DPP10: variants seen among roughly 807,000 people sequenced by gnomAD.
DPP10 encodes inactive dipeptidyl peptidase 10.
Under a neutral mutation model 120.9 loss-of-function variants are expected in DPP10, and 33 were observed. That is an observed-to-expected ratio of 0.27 (90% CI 0.21 to 0.37). The LOEUF is 0.37. Among genes scored for constraint, DPP10 ranks in the 10% least tolerant of loss-of-function variants. DPP10 has a pLI of 1.00. For missense variants in DPP10, 816 were observed against 942.8 expected (o/e 0.87, Z 1.76); for synonymous variants, 337 against 326.1 (o/e 1.03, Z -0.36).
intron 3 of DPP10, among the ~76,000 whole-genome samples, chr2:115,427,263 C>G (rs1056028444): frequency 3.3e-5 from 5 of 152,190 alleles, no homozygotes; most frequent in Admixed American, 2.6e-4. Flanking sequence ...GGCAATGTCC[C>G]AGCTGGGACT....
intron 1 of DPP10, among the ~76,000 whole-genome samples, chr2:115,193,397 G>A (rs1361937316): frequency 1.3e-5 from 2 of 152,120 alleles, no homozygotes; most frequent in Non-Finnish European, 2.9e-5. Context: ...CACCAGATTA[G>A]AAGTTAGGAT....
At chr2:115,543,845 A>AT (rs1268444320) in intron 5 of DPP10, among the ~76,000 whole-genome samples, 2 of 152,032 alleles carry the variant, frequency 1.3e-5, no homozygotes, top group Admixed American at 1.3e-4. Flanking sequence ...ACAAAGAACT[A>AT]TGAGATGAAA....
intron 1 of DPP10, among the ~76,000 whole-genome samples, chr2:114,580,229 C>T (rs192901974): frequency 6.6e-6 from 1 of 152,150 alleles, no homozygotes; most frequent in East Asian, 1.9e-4. Flanking sequence ...CCCAGGCATT[C>T]GGTCCTGATA....
At chr2:115,280,692 A>G (rs1321248998) in intron 1 of DPP10, among the ~76,000 whole-genome samples, 15 of 152,192 alleles carry the variant, frequency 9.9e-5, no homozygotes, top group Admixed American at 9.8e-4. Flanking sequence ...CAAGGTTTGA[A>G]AAACTCAATT....
chr2:114,528,271 T>C (rs969014044), intron 1 of DPP10, among the ~76,000 whole-genome samples: 2 of 152,150 alleles, frequency 1.3e-5, no homozygotes, highest in African/African-American at 4.8e-5. Context: ...CCAGGGACTA[T>C]CATAGTCAAT....
At chr2:115,709,761 A>C (rs2092257430) in intron 7 of DPP10, among the ~76,000 whole-genome samples, 1 of 151,982 alleles carries the variant, frequency 6.6e-6, no homozygotes, top group African/African-American at 2.4e-5. Flanking sequence ...AAACAAAACA[A>C]ACAAACAAAA....
intron 1 of DPP10, among the ~76,000 whole-genome samples, chr2:114,993,454 T>A (rs1194845310): frequency 6.6e-6 from 1 of 151,462 alleles, no homozygotes; most frequent in Non-Finnish European, 1.5e-5. Context: ...ACACACCTAT[T>A]TACAAAACCT....
intron 7 of DPP10, among the ~76,000 whole-genome samples, chr2:115,708,180 G>A (rs4849419): frequency 0.9 from 136,004 of 151,928 alleles, 62,809 homozygotes; most frequent in East Asian, 1. Flanking sequence ...AATAATGTTG[G>A]TATGGTCTTT....
At chr2:115,270,271 G>T (rs890810000) in intron 1 of DPP10, among the ~76,000 whole-genome samples, 10 of 152,016 alleles carry the variant, frequency 6.6e-5, no homozygotes, top group African/African-American at 2.4e-4. Flanking sequence ...AGGCAGCACA[G>T]CAAAACATAT....
At chr2:115,327,843 T>A (rs1391320380) in intron 2 of DPP10, among the ~76,000 whole-genome samples, 1 of 152,054 alleles carries the variant, frequency 6.6e-6, no homozygotes, top group Non-Finnish European at 1.5e-5. Flanking sequence ...ATTTTTAAAT[T>A]GAGGCTATAT....
chr2:115,329,081 G>A (rs2062546936), intron 2 of DPP10, among the ~76,000 whole-genome samples: 1 of 151,996 alleles, frequency 6.6e-6, no homozygotes, highest in South Asian at 2.1e-4. Context: ...TATGTACTCA[G>A]TATGAATATC....
intron 5 of DPP10, among the ~76,000 whole-genome samples, chr2:115,583,693 A>T (rs896192019): frequency 6.6e-6 from 1 of 152,228 alleles, no homozygotes; most frequent in East Asian, 1.9e-4. Flanking sequence ...AAATAGTCAC[A>T]TGCCTGTTCA....
At chr2:114,649,752 AC>A (rs528007630) in intron 1 of DPP10, among the ~76,000 whole-genome samples, 6 of 152,234 alleles carry the variant, frequency 3.9e-5, no homozygotes, top group Admixed American at 1.3e-4. Flanking sequence ...TAGGGATCAA[AC>A]TTTTATTTTC....
chr2:115,787,193 T>G (rs1057300107), intron 17 of DPP10, among the ~76,000 whole-genome samples: 3 of 152,214 alleles, frequency 2.0e-5, no homozygotes, highest in Non-Finnish European at 2.9e-5. Flanking sequence ...TTTCAAAATG[T>G]AAATGTCACA....
intron 1 of DPP10, among the ~76,000 whole-genome samples, chr2:114,825,007 A>C (rs751546723): frequency 2.6e-5 from 4 of 152,212 alleles, no homozygotes; most frequent in Non-Finnish European, 5.9e-5. Context: ...CTCATTGAGA[A>C]TCTTCTCCGT....
At chr2:115,398,287 G>A (rs899389563) in intron 3 of DPP10, among the ~76,000 whole-genome samples, 3 of 151,626 alleles carry the variant, frequency 2.0e-5, no homozygotes, top group Non-Finnish European at 2.9e-5. Context: ...GTGATAAAAT[G>A]TATTGTAACT....
chr2:115,379,556 G>A (rs1409758407), intron 3 of DPP10, among the ~76,000 whole-genome samples: 2 of 151,870 alleles, frequency 1.3e-5, no homozygotes, highest in Non-Finnish European at 1.5e-5. Flanking sequence ...ATTTCCTTCA[G>A]TTCTGCTCTG....
intron 17 of DPP10, among the ~76,000 whole-genome samples, chr2:115,789,438 A>T (rs1015106203): frequency 6.6e-5 from 10 of 152,242 alleles, no homozygotes; most frequent in Non-Finnish European, 1.5e-4. Flanking sequence ...ATTAATAGGA[A>T]TACCTAATCA....
intron 1 of DPP10, among the ~76,000 whole-genome samples, chr2:115,030,628 C>T (rs1703772523): frequency 6.6e-6 from 1 of 152,176 alleles, no homozygotes; most frequent in Admixed American, 6.5e-5. Flanking sequence ...CTGATTCTTT[C>T]TCTCCTCCCA....
Sources: gnomAD v4.1 joint callset for allele counts (sites outside exome capture counted in the v4.1 genomes callset) on GRCh38, gnomAD v4.1.1 for gene constraint, MANE v1.5 for transcripts, NCBI Gene and HGNC (gene_info 2026-07-23, HGNC 2026-07-21) for gene names.